Variants in CD8B2 observed in about 807,000 individuals in gnomAD.
CD8B2 encodes CD8B family member 2.
In CD8B2, 11 loss-of-function variants were observed where a neutral mutation model predicts 23.7. That is an observed-to-expected ratio of 0.46 (90% CI 0.29 to 0.77). The LOEUF (loss-of-function observed/expected upper bound fraction) is 0.77. Among genes scored for constraint, CD8B2 ranks in the 30% least tolerant of loss-of-function variants. The pLI, the probability that CD8B2 is intolerant of heterozygous loss-of-function variation, is 0.09. For missense variants in CD8B2, 197 were observed against 270.5 expected, an observed-to-expected ratio of 0.73 and a Z score of 1.91; for synonymous variants, 90 against 109.3, an observed-to-expected ratio of 0.82 and a Z score of 1.10.
Position 106,508,830 on chromosome 2 carries a change from T to C in CD8B2, c.*1890T>C, listed in dbSNP as rs1313236441. On this transcript the variant is annotated 3_prime_UTR_variant, in exon 6 of 6. Coordinates refer to ENST00000643224, the MANE Select transcript of CD8B2 (RefSeq NM_001349727.2). ...GTCTCCCTTTCCATCTGAGATGCAG[T>C]GGAAGGGGGAGGGTTGTAGGGAGAG... is the stretch of plus-strand genomic sequence containing the variant. The C allele has an allele frequency of 2.0e-5, 3 of 152,228 alleles. No homozygotes were observed. Among genetic ancestry groups the C allele is most frequent in the African/African-American group, 7.2e-5 (3 of 41,436 alleles). 9.4% of individuals were successfully genotyped at this position (152,228 alleles called of 1,614,324 possible).
At chr2:106,527,388 C>T (rs1679921136) in intron 5 of CD8B2, among the ~76,000 whole-genome samples, 1 of 152,250 alleles carries the variant, frequency 6.6e-6, no homozygotes, top group African/African-American at 2.4e-5. Context: ...TTTTCCCATC[C>T]TTTCCAGATT....
At chr2:106,531,778 T>A (rs1679992880) in intron 5 of CD8B2, among the ~76,000 whole-genome samples, 1 of 152,190 alleles carries the variant, frequency 6.6e-6, no homozygotes, top group South Asian at 2.1e-4. Flanking sequence ...TGTCCTGCAC[T>A]TTCTTCCCCA....
chr2:106,533,249 G>T (rs1178336330), intron 5 of CD8B2, among the ~76,000 whole-genome samples: 1 of 152,140 alleles, frequency 6.6e-6, no homozygotes, highest in Non-Finnish European at 1.5e-5. Flanking sequence ...CAGGTCATCT[G>T]GGCAGCACTT....
chr2:106,503,523 A>T (rs1397583489), intron 4 of CD8B2, among the ~76,000 whole-genome samples: 3 of 152,246 alleles, frequency 2.0e-5, no homozygotes, highest in Admixed American at 2.0e-4. Flanking sequence ...ATATTTTGAA[A>T]CACATTTAAT....
intron 3 of CD8B2, among the ~76,000 whole-genome samples, chr2:106,500,521 AAAATAAATAAATAAATAAAT>A (rs61641919): frequency 2.1e-5 from 3 of 143,362 alleles, no homozygotes; most frequent in African/African-American, 5.1e-5. Context: ...CTCCGTCTCA[AAAATAAATAAATAAATAAAT>A]AAATAAATAA....
rs1374506148 is a variant in CD8B2, at chr2:106,509,091, A to C, written c.*2151A>C. ...CCCAGACCCAGGTGTTTTCCATTTG[A>C]TCCAGCTTTGAGAAGTCAGCACAAA... On this transcript the variant is annotated 3_prime_UTR_variant, in exon 6 of 6. Transcript: ENST00000643224. 6 of 131,142 alleles carry C rather than the reference A, an allele frequency of 4.6e-5. No individual in the cohort carries two copies. The highest frequency in any genetic ancestry group is 2.5e-4 in the South Asian group (1 of 4,000). 8.1% of individuals were successfully genotyped at this position (131,142 alleles called of 1,614,324 possible). A position where few individuals can be genotyped will look rare whatever the true frequency, so the allele number is the denominator to read the frequency against.
At chr2:106,498,084 C>T (rs763959700) in intron 3 of CD8B2, among the ~76,000 whole-genome samples, 1 of 152,164 alleles carries the variant, frequency 6.6e-6, no homozygotes. Context: ...CAAACTCACT[C>T]ATACTTTTAT....
intron 3 of CD8B2, among the ~76,000 whole-genome samples, chr2:106,497,029 C>T (rs1268628021): frequency 6.6e-6 from 1 of 152,212 alleles, no homozygotes; most frequent in Non-Finnish European, 1.5e-5. Context: ...AATCCCAGCA[C>T]TTTGGGAGGC....
At chr2:106,511,359 T>C (rs11692363), downstream of CD8B2, among the ~76,000 whole-genome samples, 7,206 of 152,118 alleles carry the variant, frequency 0.047, 248 homozygotes, top group African/African-American at 0.092. Flanking sequence ...GGTTCTCTGC[T>C]CTGAAGGAGA....
chr2:106,516,722 T>C (rs560745763), intron 5 of CD8B2, among the ~76,000 whole-genome samples: 11 of 152,168 alleles, frequency 7.2e-5, no homozygotes, highest in Non-Finnish European at 1.2e-4. Context: ...TTTTGGAGTG[T>C]TTGTATACCA....
In CD8B2 at chr2:106,507,525, T is replaced by C; in HGVS notation, c.*585T>C. ...GGTTTGAGGATAGGAGTTCACTTCA[T>C]CTTCTTAGCTCCAATTTCTACTCTT... On this transcript the variant is annotated 3_prime_UTR_variant, in exon 6 of 6. Transcript: ENST00000643224. The C allele has an allele frequency of 1.0e-6, 1 of 983,984 alleles. No homozygotes were observed. The highest frequency in any genetic ancestry group is 1.2e-6 in the Non-Finnish European group (1 of 828,570). 61.0% of individuals were successfully genotyped at this position (983,984 alleles called of 1,614,324 possible). A position where few individuals can be genotyped will look rare whatever the true frequency, so the allele number is the denominator to read the frequency against.
At chr2:106,537,957 T>C (rs2104576733) in intron 5 of CD8B2, 1 of 152,334 alleles carries the variant, frequency 6.6e-6, no homozygotes, top group East Asian at 1.9e-4. Flanking sequence ...GAGAAGTCTC[T>C]GTGAGGCTCC....
chr2:106,499,002 C>G (rs1040171511), intron 3 of CD8B2, among the ~76,000 whole-genome samples: 2 of 152,090 alleles, frequency 1.3e-5, no homozygotes, highest in African/African-American at 4.8e-5. Flanking sequence ...ATGAGGAAGG[C>G]TGGGCTGGGG....
downstream of CD8B2, among the ~76,000 whole-genome samples, chr2:106,513,551 G>A (rs1427395592): frequency 4.0e-5 from 6 of 150,800 alleles, no homozygotes; most frequent in Admixed American, 1.3e-4. Context: ...GCAAAGTTAC[G>A]AGGGGAAGAT....
chr2:106,537,197 A>ATT (rs1680103767), intron 5 of CD8B2, among the ~76,000 whole-genome samples: 3 of 152,158 alleles, frequency 2.0e-5, no homozygotes, highest in South Asian at 4.2e-4. Flanking sequence ...CTGCCCTGCT[A>ATT]TTAACCTGCC....
At chr2:106,525,188 G>C (rs1343214368) in intron 5 of CD8B2, among the ~76,000 whole-genome samples, 3 of 152,132 alleles carry the variant, frequency 2.0e-5, no homozygotes, top group Admixed American at 2.0e-4. Context: ...AATGGGCCCA[G>C]GGTTTGCCAA....
chr2:106,495,350 G>A (rs367711280), intron 2 of CD8B2, among the ~76,000 whole-genome samples: 9 of 151,918 alleles, frequency 5.9e-5, no homozygotes, highest in Non-Finnish European at 1.0e-4. Context: ...GTGAAACCCC[G>A]TCTCTACTAA....
At chr2:106,489,233 G>A (rs1028946757) in intron 1 of CD8B2, among the ~76,000 whole-genome samples, 3 of 151,184 alleles carry the variant, frequency 2.0e-5, no homozygotes, top group Non-Finnish European at 1.5e-5. Context: ...GATATCCTGA[G>A]CCCAAGTGAT....
At chr2:106,497,314 TACAC>T (rs1679318408) in intron 3 of CD8B2, among the ~76,000 whole-genome samples, 1 of 152,180 alleles carries the variant, frequency 6.6e-6, no homozygotes, top group Admixed American at 6.5e-5. Context: ...GAGGACCTAA[TACAC>T]AGTATGTGCT....
Sources: gnomAD v4.1 joint callset for allele counts (sites outside exome capture counted in the v4.1 genomes callset) on GRCh38, gnomAD v4.1.1 for gene constraint, MANE v1.5 for transcripts, NCBI Gene and HGNC (gene_info 2026-07-23, HGNC 2026-07-21) for gene names.